FCGR2A: variants seen among roughly 807,000 people sequenced by gnomAD.
The protein encoded by FCGR2A is Fc gamma receptor IIa.
A neutral mutation model predicts 29.3 loss-of-function variants in FCGR2A; 18 were observed. The ratio of observed to expected loss-of-function variants is 0.62; its 90% CI spans 0.43 to 0.91. The LOEUF (loss-of-function observed/expected upper bound fraction) is 0.91. FCGR2A is among the 40% of genes least tolerant of loss of function. FCGR2A has a pLI of 0.00. For synonymous variants in FCGR2A, 126 were observed against 144.8 expected, an observed-to-expected ratio of 0.87 and a Z score of 0.93; for missense variants, 287 against 393.0, an observed-to-expected ratio of 0.73 and a Z score of 2.28.
At chr1:161,511,878 G>C (rs1675812554) in intron 5 of FCGR2A, among the ~76,000 whole-genome samples, 1 of 152,218 alleles carries the variant, frequency 6.6e-6, no homozygotes, top group Non-Finnish European at 1.5e-5. Context: ...CTGCCGGCTG[G>C]ACCTGAGCCA....
chr1:161,505,532 T>C lies in FCGR2A; in HGVS notation c.65T>C (p.Leu22Ser), dbSNP rs1675329466. 1.2e-6 allele frequency: 2 copies of C among 1,614,006 alleles called. No homozygotes were observed. Among genetic ancestry groups the C allele is most frequent in the Admixed American group, 1.7e-5 (1 of 59,994 alleles). Residue 22 changes from leucine (L) to serine (S), a missense_variant, in exon 1 of 7, where the codon TTG (leucine) becomes TCG (serine). By Grantham distance (145) the Leu-to-Ser change is moderately radical. Around this residue, in one of 3 missense-constraint regions of FCGR2A, gnomAD observed 181 missense variants for 250.9 expected, o/e 0.72. Transcript: ENST00000271450. ...CPRNLWLLQP[L>S]TVLLLLASAD... ...AGAAACCTGTGGCTGCTTCAACCAT[T>C]GACAGTTTTGCTGCTGCTGGGTGAG...
chr1:161,523,902 A>G (rs953700217), downstream of FCGR2A: 2 of 152,036 alleles, frequency 1.3e-5, no homozygotes, highest in Admixed American at 1.3e-4. Context: ...GAATTCTACC[A>G]CTGAACCACC....
rs550517994 is a variant in FCGR2A at position 161,505,629 on chromosome 1, G to A, written c.85+77G>A. Reference sequence around the variant, plus strand: ...GGACTCCAGGTACCAGTGTGGTAAGGAGCAGGCCTGGGCCCTGGAAGCAGG... The same window carrying A: ...GGACTCCAGGTACCAGTGTGGTAAGAAGCAGGCCTGGGCCCTGGAAGCAGG... On this transcript the variant is annotated intron_variant, in intron 1 of 6. Transcript: ENST00000271450. 416 of 1,191,838 alleles carry A rather than the reference G, an allele frequency of 3.5e-4. 1 individual carries two copies. The African/African-American group carries it at 5.6e-3, about 16-fold the overall frequency. 73.8% of individuals were successfully genotyped at this position (1,191,838 alleles called of 1,614,324 possible).
At chr1:161,511,925 G>T (rs1223608860) in intron 5 of FCGR2A, among the ~76,000 whole-genome samples, 3 of 152,212 alleles carry the variant, frequency 2.0e-5, no homozygotes, top group Non-Finnish European at 4.4e-5. Context: ...CTGGGAGCCA[G>T]GGAGGGAGCA....
chr1:161,508,086 C>CAA (rs61414204), intron 3 of FCGR2A, among the ~76,000 whole-genome samples: 1,959 of 68,170 alleles, frequency 0.029, 159 homozygotes, highest in Non-Finnish European at 0.034. Context: ...AACTCTGTCT[C>CAA]AAAAAAAAAA....
At chr1:161,516,491 A>G (rs966121163) in intron 6 of FCGR2A, among the ~76,000 whole-genome samples, 2 of 152,002 alleles carry the variant, frequency 1.3e-5, no homozygotes, top group Non-Finnish European at 2.9e-5. Context: ...GTTTTTAAAA[A>G]CTAAAGTTGA....
At position 161,506,335 on chromosome 1, in the gene FCGR2A, A is replaced by G. The variant is rs1347121070; in HGVS notation, c.108A>G (p.Ala36=). Residue 36 remains alanine, a splice_region_variant and synonymous_variant, in exon 3 of 7, where the codon GCA becomes GCG. Coordinates refer to ENST00000271450, the MANE Select transcript of FCGR2A (RefSeq NM_001136219.3). ...LLLASADSQA[A]APPKAVLKLE... The stretch of plus-strand genomic sequence containing the variant: ...ACCCCTTTCCACTCTGCCCCTCAGC[A>G]GCTCCCCCAAAGGCTGTGCTGAAAC... 2.5e-6 allele frequency: 4 copies of G among 1,613,990 alleles called. No individual in the cohort carries two copies. Among genetic ancestry groups the G allele is most frequent in the South Asian group, 2.2e-5 (2 of 91,084 alleles).
intron 3 of FCGR2A, among the ~76,000 whole-genome samples, chr1:161,509,463 C>G (rs1675621316): frequency 6.6e-6 from 1 of 151,988 alleles, no homozygotes; most frequent in Non-Finnish European, 1.5e-5. Context: ...CAAAATTTAC[C>G]ATTAAATTAG....
rs749190976 is a variant in FCGR2A at position 161,513,971 on chromosome 1, T to C, written c.780+39T>C. Reference sequence around the variant, plus strand: ...GCCATCTCCTTTTCCTCCTGCCTTGTCCCTTCTCTCCTGTTTCCTCTCATT... The same window carrying C: ...GCCATCTCCTTTTCCTCCTGCCTTGCCCCTTCTCTCCTGTTTCCTCTCATT... On this transcript the variant is annotated intron_variant, in intron 6 of 6. Coordinates refer to ENST00000271450, the MANE Select transcript of FCGR2A (RefSeq NM_001136219.3). 1.4e-5 allele frequency: 23 copies of C among 1,613,868 alleles called. No homozygotes were observed. In the South Asian group the frequency reaches 2.3e-4, roughly 16 times the overall value.
At chr1:161,516,155 T>A (rs1176174195) in intron 6 of FCGR2A, among the ~76,000 whole-genome samples, 1 of 152,112 alleles carries the variant, frequency 6.6e-6, no homozygotes, top group Non-Finnish European at 1.5e-5. Context: ...TGACAGGTAG[T>A]TGGTTTTGTT....
chr1:161,505,710 T>C, intron 1 of FCGR2A, 158 bp downstream of exon 1: 1 of 739,180 alleles, frequency 1.4e-6, no homozygotes, highest in Non-Finnish European at 2.4e-6. Context: ...CAATGGTTCC[T>C]AAGGTCAGAA....
chr1:161,510,266 C>T, intron 4 of FCGR2A, 192 bp downstream of exon 4: 1 of 985,270 alleles, frequency 1.0e-6, no homozygotes, highest in South Asian at 1.7e-5. Flanking sequence ...GCCCTCACGT[C>T]CCAGGTAATA....
intron 2 of FCGR2A, 91 bp from the exon 3 acceptor site, chr1:161,506,242 CT>C (rs889420536): frequency 3.7e-5 from 57 of 1,525,922 alleles, no homozygotes; most frequent in Non-Finnish European, 4.9e-5. Flanking sequence ...CAATAGGACT[CT>C]TGGGTGCCTG....
At chr1:161,523,828 G>T (rs41297650), downstream of FCGR2A, 1 of 149,902 alleles carries the variant, frequency 6.7e-6, no homozygotes, top group Admixed American at 6.6e-5. Flanking sequence ...AATTGAAATG[G>T]ATCGGAAAAA....
Position 161,505,975 on chromosome 1 carries a change from TCTC to T in FCGR2A, c.86-11_86-9del. ...CCTGCTCGACGTTGATCCACTCTCT[TCTC>T]TTTTACAGCTTCTGCAGACAGTCAA... On this transcript the variant is annotated splice_polypyrimidine_tract_variant and intron_variant, in intron 1 of 6. Coordinates refer to ENST00000271450, the MANE Select transcript of FCGR2A (RefSeq NM_001136219.3). 1 of 1,614,038 alleles carries T rather than the reference TCTC, an allele frequency of 6.2e-7. No homozygotes were observed. Among genetic ancestry groups the T allele is most frequent in the Non-Finnish European group, 8.5e-7 (1 of 1,179,900 alleles).
In FCGR2A at chr1:161,513,888, C is replaced by T. The variant is rs1483632937; in HGVS notation, c.743-7C>T. 4.3e-6 allele frequency: 7 copies of T among 1,614,100 alleles called. No individual in the cohort carries two copies. The highest frequency in any genetic ancestry group is 4.2e-6 in the Non-Finnish European group (5 of 1,180,060). ...GCCCTGGCTAATCTTTTTCTTTTTC[C>T]CCACAGCCAATTCCACTGATCCTGT... On this transcript the variant is annotated splice_region_variant and splice_polypyrimidine_tract_variant and intron_variant, in intron 5 of 6. Coordinates refer to ENST00000271450, the MANE Select transcript of FCGR2A (RefSeq NM_001136219.3).
chr1:161,520,126 C>T (rs1676392976), downstream of FCGR2A: 1 of 151,984 alleles, frequency 6.6e-6, no homozygotes, highest in Non-Finnish European at 1.5e-5. Context: ...AGCTTCCACC[C>T]ACCCTTCCAA....
chr1:161,506,212 C>T lies in FCGR2A; in HGVS notation c.107-122C>T, dbSNP rs113917870. ...CAAGGGAATGAGGCCGCTGCAAGTA[C>T]AGATCTTGAACTACATCTACAATAG... On this transcript the variant is annotated intron_variant, in intron 2 of 6. Transcript: ENST00000271450. 7.1e-4 allele frequency: 998 copies of T among 1,398,922 alleles called. 6 individuals carry two copies. In the African/African-American group the frequency reaches 0.012, roughly 17 times the overall value. 86.7% of individuals were successfully genotyped at this position (1,398,922 alleles called of 1,614,324 possible).
At chr1:161,513,558 T>C in intron 5 of FCGR2A, 1 of 477,710 alleles carries the variant, frequency 2.1e-6, no homozygotes, top group South Asian at 3.2e-5. Context: ...TACTTCACTC[T>C]GATGCTGAAC....
Sources: gnomAD v4.1 joint callset for allele counts (sites outside exome capture counted in the v4.1 genomes callset) on GRCh38, gnomAD v4.1.1 for gene constraint, gnomAD v4.1.1 regional missense constraint, MANE v1.5 for transcripts, NCBI Gene and HGNC (gene_info 2026-07-23, HGNC 2026-07-21) for gene names.